IFRD2: variants seen among roughly 807,000 people sequenced by gnomAD.
The protein encoded by IFRD2 is interferon-related developmental regulator 2.
IFRD2 carries 35 observed loss-of-function variants against 49.2 expected under a neutral mutation model. That is an observed-to-expected ratio of 0.71 (90% CI 0.54 to 0.94). IFRD2 has a LOEUF of 0.94. IFRD2 is among the 40% of genes least tolerant of loss of function. The pLI is 0.00. For missense variants in IFRD2, 561 were observed against 591.6 expected (o/e 0.95, Z 0.54); for synonymous variants, 275 against 239.7 (o/e 1.15, Z -1.36).
At position 50,290,221 on chromosome 3, in the gene IFRD2, G is replaced by T. The variant is rs782156099; in HGVS notation, c.337C>A (p.Leu113Met). The change falls in exon 4 of 12, where the codon CTG becomes ATG. Residue 113 changes from leucine to methionine, a missense_variant. By Grantham distance (15) the Leu-to-Met change is conservative (BLOSUM62 2). Transcript: ENST00000417626. ...LASRLLPDFL[L>M]ERRLTLADAL... ...TCGGCTAGCGTGAGGCGGCGCTCCA[G>T]CAAGAAGTCGGGGAGTAGGCGGGAC... The T allele has an allele frequency of 6.2e-7, 1 of 1,613,636 alleles. No individual in the cohort carries two copies. Among genetic ancestry groups the T allele is most frequent in the Non-Finnish European group, 8.5e-7 (1 of 1,179,742 alleles).
rs782731368 is a variant in IFRD2 at position 50,288,784 on chromosome 3, A to G, written c.1023+16T>C. On this transcript the variant is annotated intron_variant, in intron 9 of 11. Transcript: ENST00000417626. ...GGGGTGCACCCTTGCTAGGACACAT[A>G]TGTTCTCACACACACCTCCACGGAG... 3.1e-6 allele frequency: 5 copies of G among 1,612,810 alleles called. No homozygotes were observed. In the African/African-American group the frequency reaches 5.3e-5, roughly 17 times the overall value.
rs782199903 is a variant in IFRD2 at position 50,288,463 on chromosome 3, C to T, written c.1194G>A (p.Val398=). The part of the protein sequence containing the change: ...LLRDIFGLGP[V]LLLDATALKA... ...TCAGGGCAGTGGCATCCAGCAACAG[C>T]ACAGGGCCCAGGCCAAAGATGTCAC... is the stretch of plus-strand genomic sequence containing the variant. Residue 398 remains valine (V), a synonymous_variant, in exon 11 of 12, where the codon GTG becomes GTA. Transcript: ENST00000417626. 14 of 1,613,762 alleles carry T rather than the reference C, an allele frequency of 8.7e-6. No homozygotes were observed. In the East Asian group the frequency reaches 2.9e-4, roughly 33 times the overall value.
Position 50,289,561 on chromosome 3 carries a change from G to A in IFRD2, c.665C>T (p.Ser222Phe), listed in dbSNP as rs1358153420. The A allele has an allele frequency of 1.3e-6, 2 of 1,581,360 alleles. No homozygotes were observed. The highest frequency in any genetic ancestry group is 2.7e-5 in the African/African-American group (2 of 74,058). ...FSRFYGLGGS[S>F]TSPVVPASLH... ...GCTGGCAGGAACCACAGGACTTGTG[G>A]AGCTGCCCCCCAAGCCATAGAACCG... The change falls in exon 7 of 12, where the codon TCC becomes TTC. Residue 222 changes from serine (S) to phenylalanine (F), a missense_variant. By Grantham distance (155) the Ser-to-Phe change is radical. Coordinates refer to ENST00000417626, the MANE Select transcript of IFRD2 (RefSeq NM_006764.5).
rs782548615 is a variant in IFRD2 at position 50,290,301 on chromosome 3, G to T, written c.264-7C>A. The T allele has an allele frequency of 2.5e-6, 4 of 1,609,510 alleles. No homozygotes were observed. In the South Asian group the frequency reaches 3.3e-5, roughly 13 times the overall value. On this transcript the variant is annotated splice_polypyrimidine_tract_variant and splice_region_variant and intron_variant, in intron 3 of 11. Coordinates refer to ENST00000417626, the MANE Select transcript of IFRD2 (RefSeq NM_006764.5). Reference sequence around the variant, plus strand: ...ACCCTGCCGGGTCTTGGCACTGGGGGAGGTCGAGAAGGGGGGTCATATGGG... The same window carrying T: ...ACCCTGCCGGGTCTTGGCACTGGGGTAGGTCGAGAAGGGGGGTCATATGGG...
rs782091504 is a variant in IFRD2, at chr3:50,290,549, C to T, written c.178+11G>A. On this transcript the variant is annotated intron_variant, in intron 2 of 11. Transcript: ENST00000417626. ...TCACCAAGCCCCTGTCAAACTTCCA[C>T]CCGCTCTCACCAAGGCTGTCCTCTG... 1.9e-6 allele frequency: 3 copies of T among 1,613,346 alleles called. No homozygotes were observed. The African/African-American group carries it at 4.0e-5, about 22-fold the overall frequency.
Position 50,289,264 on chromosome 3 carries a change from C to A in IFRD2, c.876G>T (p.Arg292=). Reference sequence around the variant, plus strand: ...TCCTTGTCCCTCGCACCTCAAGGTCCCGGGCAAGCTCAAAGAGCAGTGCAA... The same window carrying A: ...TCCTTGTCCCTCGCACCTCAAGGTCACGGGCAAGCTCAAAGAGCAGTGCAA... ...ETIALLFELA[R]DLEEEFVYED... The change falls in exon 8 of 12, where the codon CGG becomes CGT. Residue 292 remains arginine, a synonymous_variant. Coordinates refer to ENST00000417626, the MANE Select transcript of IFRD2 (RefSeq NM_006764.5). 4 of 1,575,458 alleles carry A rather than the reference C, an allele frequency of 2.5e-6. No individual in the cohort carries two copies. Among genetic ancestry groups the A allele is most frequent in the Non-Finnish European group, 3.4e-6 (4 of 1,160,800 alleles).
In IFRD2 at chr3:50,290,726, G is replaced by A. The variant is rs200874876; in HGVS notation, c.59-47C>T. On this transcript the variant is annotated intron_variant, in intron 1 of 11. Transcript: ENST00000417626. Reference sequence around the variant, plus strand: ...ACTCAACTTGCCTCTACTGATGAGGGATGGCTGGGGGTACCTCACTCGACC... The same window carrying A: ...ACTCAACTTGCCTCTACTGATGAGGAATGGCTGGGGGTACCTCACTCGACC... 8.4e-5 allele frequency: 135 copies of A among 1,598,650 alleles called. No individual in the cohort carries two copies. In the African/African-American group the frequency reaches 1.5e-3, roughly 18 times the overall value.
chr3:50,287,882 T>G lies in IFRD2; in HGVS notation c.*309A>C. 2.6e-6 allele frequency: 1 copy of G among 377,664 alleles called. No homozygotes were observed. Among genetic ancestry groups the G allele is most frequent in the South Asian group, 3.2e-5 (1 of 31,110 alleles). 23.4% of individuals were successfully genotyped at this position (377,664 alleles called of 1,614,324 possible). On this transcript the variant is annotated 3_prime_UTR_variant, in exon 12 of 12. Coordinates refer to ENST00000417626, the MANE Select transcript of IFRD2 (RefSeq NM_006764.5). ...CCACCCCCCTAAGAGTGGGTCATCCTGGGGGAGCAAGGCCTGAGAAAGGAA... is the reference window on the plus strand; with the variant it reads ...CCACCCCCCTAAGAGTGGGTCATCCGGGGGGAGCAAGGCCTGAGAAAGGAA...
At position 50,289,628 on chromosome 3, in the gene IFRD2, C is replaced by T. The variant is rs782486937; in HGVS notation, c.598G>A (p.Asp200Asn). The change falls in exon 7 of 12, where the codon GAC (aspartate) becomes AAC (asparagine). Residue 200 changes from aspartate to asparagine, a missense_variant and splice_region_variant. Coordinates refer to ENST00000417626, the MANE Select transcript of IFRD2 (RefSeq NM_006764.5). ...GCYVAAADIQ[D>N]LVSCLACLES... ...AAGCAGGCAAGGCAAGAGACCAGGT[C>T]CTAGGAGCACAGAGAGGCAGGGGAG... The T allele has an allele frequency of 1.9e-6, 3 of 1,598,676 alleles. No homozygotes were observed. Among genetic ancestry groups the T allele is most frequent in the African/African-American group, 1.3e-5 (1 of 74,564 alleles).
rs781861692 is a variant in IFRD2, at chr3:50,288,391, G to T, written c.1248+18C>A. 3 of 1,608,914 alleles carry T rather than the reference G, an allele frequency of 1.9e-6. No individual in the cohort carries two copies. In the Admixed American group the frequency reaches 5.1e-5, roughly 27 times the overall value. ...AAATGGGAATAGGGGGAAGAGAAAG[G>T]TGCCCAAGGGTGCAAACCTTCTCAA... is the stretch of plus-strand genomic sequence containing the variant. On this transcript the variant is annotated intron_variant, in intron 11 of 11. Coordinates refer to ENST00000417626, the MANE Select transcript of IFRD2 (RefSeq NM_006764.5).
rs1553709021 is a variant in IFRD2 at position 50,288,681 on chromosome 3, A to G, written c.1054T>C (p.Phe352Leu). ...GGECEEEIVR[F>L]GFEVLYMDSW... ...TCCATGTAGAGCACCTCAAAGCCGA[A>G]GCGCACTATCTCTTCTTCGCATTCA... The change falls in exon 10 of 12, where the codon TTC (phenylalanine) becomes CTC (leucine). Residue 352 changes from phenylalanine to leucine, a missense_variant. Transcript: ENST00000417626. The G allele has an allele frequency of 6.2e-7, 1 of 1,613,720 alleles. No individual in the cohort carries two copies. Among genetic ancestry groups the G allele is most frequent in the Non-Finnish European group, 8.5e-7 (1 of 1,179,836 alleles).
At chr3:50,290,713 T>C in intron 1 of IFRD2, 34 bp from the exon 2 acceptor site, 1 of 1,607,488 alleles carries the variant, frequency 6.2e-7, no homozygotes, top group Non-Finnish European at 8.5e-7. Context: ...TCAACTTGCC[T>C]CTACTGATGA....
chr3:50,289,902 G>C (rs782759970), intron 5 of IFRD2, 27 bp downstream of exon 5: 6 of 1,611,890 alleles, frequency 3.7e-6, no homozygotes, highest in Admixed American at 3.3e-5. Flanking sequence ...GTGCAGGAAG[G>C]GTTTCATGGG....
At chr3:50,289,016 C>A in intron 8 of IFRD2, 79 bp from the exon 9 acceptor site, 2 of 1,542,438 alleles carry the variant, frequency 1.3e-6, no homozygotes, top group Admixed American at 1.9e-5. Context: ...CCAAACCCCT[C>A]CTTTCACTGA....
Position 50,290,468 on chromosome 3 carries a change from C to A in IFRD2, c.183G>T (p.Gly61=), listed in dbSNP as rs1701653765. 2 of 1,578,616 alleles carry A rather than the reference C, an allele frequency of 1.3e-6. No individual in the cohort carries two copies. The highest frequency in any genetic ancestry group is 2.3e-5 in the East Asian group (1 of 43,122). The change falls in exon 3 of 12, where the codon GGG becomes GGT. Residue 61 remains glycine, a synonymous_variant. Transcript: ENST00000417626. The stretch of plus-strand genomic sequence containing the variant: ...GCTGGCCCTGCTCATCCACGACATC[C>A]CCCCCTGCAAGGCCACCTGGTCAGC... ...LSTTAEDSLG[G]DVVDEQGQQE...
intron 1 of IFRD2, among the ~76,000 whole-genome samples, chr3:50,291,061 G>A (rs1553709752): frequency 6.7e-6 from 1 of 148,640 alleles, no homozygotes; most frequent in African/African-American, 2.5e-5. Flanking sequence ...TGCCCAGGCT[G>A]GAGTGCAATG....
chr3:50,292,044 G>A, intron 1 of IFRD2, 173 bp downstream of exon 1: 1 of 673,120 alleles, frequency 1.5e-6, no homozygotes, highest in Admixed American at 3.7e-5. Flanking sequence ...AGTTGGGCAC[G>A]CACGTGGCCA....
rs1553708967 is a variant in IFRD2 at position 50,288,431 on chromosome 3, C to CA, written c.1225dup (p.Cys409LeufsTer7). ...AACCTTCTCAAAGCGTGGAACCTTGCAGGCCTTCAGGGCAGTGGCATCCAG... is the reference window on the plus strand; with the variant it reads ...AACCTTCTCAAAGCGTGGAACCTTGCAAGGCCTTCAGGGCAGTGGCATCCAG... On this transcript the variant is annotated frameshift_variant, in exon 11 of 12. Transcript: ENST00000417626. LOFTEE classifies it high-confidence loss of function. 1 of 1,613,294 alleles carries CA rather than the reference C, an allele frequency of 6.2e-7. No homozygotes were observed. The highest frequency in any genetic ancestry group is 1.3e-5 in the African/African-American group (1 of 74,920).
Position 50,289,500 on chromosome 3 carries a change from C to T in IFRD2, c.726G>A (p.Trp242Ter). 6.3e-7 allele frequency: 1 copy of T among 1,585,476 alleles called. No homozygotes were observed. The highest frequency in any genetic ancestry group is 8.6e-7 in the Non-Finnish European group (1 of 1,165,994). Residue 242 changes from tryptophan (W) to a stop codon, truncating the protein, a stop_gained, in exon 7 of 12, where the codon TGG becomes TGA. Coordinates refer to ENST00000417626, the MANE Select transcript of IFRD2 (RefSeq NM_006764.5). LOFTEE classifies it high-confidence loss of function. ...TAGGGCAGATGGTGAGCAGCAATGC[C>T]CAGGCCTGCAGGGCAGCAGAGAGCA... The part of the protein sequence containing the change: ...HGLLSAALQA[W>*]ALLLTICPST...
Sources: gnomAD v4.1 joint callset for allele counts (sites outside exome capture counted in the v4.1 genomes callset) on GRCh38, gnomAD v4.1.1 for gene constraint, MANE v1.5 for transcripts, NCBI Gene and HGNC (gene_info 2026-07-23, HGNC 2026-07-21) for gene names.